Variants in DLGAP2 observed in about 807,000 individuals in gnomAD.
The protein encoded by DLGAP2 is disks large-associated protein 2.
DLGAP2 carries 26 observed loss-of-function variants against 100.3 expected under a neutral mutation model. The observed-to-expected ratio is 0.26, with a 90% confidence interval of 0.19 to 0.36. The LOEUF (loss-of-function observed/expected upper bound fraction) is 0.36. Ranked by LOEUF, DLGAP2 falls within the 10% of genes least tolerant of loss-of-function variation. DLGAP2 has a pLI of 1.00. For missense variants in DLGAP2, 1,858 were observed against 1,453.2 expected, an observed-to-expected ratio of 1.28 and a Z score of -4.53; for synonymous variants, 886 against 630.1, an observed-to-expected ratio of 1.41 and a Z score of -6.08.
chr8:1,048,445 C>T (rs368567355), intron 2 of DLGAP2, among the ~76,000 whole-genome samples: 4 of 151,968 alleles, frequency 2.6e-5, no homozygotes, highest in East Asian at 1.9e-4. Flanking sequence ...TCACAGGTAG[C>T]GACGGCATCG....
intron 2 of DLGAP2, among the ~76,000 whole-genome samples, chr8:916,347 A>T (rs1162261943): frequency 1.3e-5 from 2 of 152,262 alleles, no homozygotes; most frequent in Non-Finnish European, 2.9e-5. Flanking sequence ...CTATGCAGCC[A>T]TAAAAAATGA....
chr8:1,047,766 C>G (rs1802556120), intron 2 of DLGAP2, among the ~76,000 whole-genome samples: 1 of 152,078 alleles, frequency 6.6e-6, no homozygotes, highest in South Asian at 2.1e-4. Context: ...CCTTCATGCC[C>G]TAATCACCTT....
intron 6 of DLGAP2, among the ~76,000 whole-genome samples, chr8:1,584,645 C>A (rs1173285320): frequency 6.6e-6 from 1 of 152,280 alleles, no homozygotes; most frequent in East Asian, 1.9e-4. Flanking sequence ...GATGTCTCTC[C>A]TCAGAAGCTC....
At chr8:1,338,822 T>G (rs1801349451) in intron 3 of DLGAP2, among the ~76,000 whole-genome samples, 1 of 86,168 alleles carries the variant, frequency 1.2e-5, no homozygotes, top group African/African-American at 6.1e-5. Context: ...TGCAGTGACC[T>G]AAGGGAAGTG....
intron 3 of DLGAP2, chr8:1,368,881 A>G (rs1009227621): frequency 7.2e-5 from 11 of 152,194 alleles, no homozygotes; most frequent in African/African-American, 2.7e-4. Context: ...GGTCAAATTG[A>G]CTGCGATGGC....
At chr8:1,568,452 C>T (rs1267314941) in intron 6 of DLGAP2, among the ~76,000 whole-genome samples, 5 of 149,058 alleles carry the variant, frequency 3.4e-5, no homozygotes, top group Non-Finnish European at 7.4e-5. Flanking sequence ...CCCGTGGCCC[C>T]CGTGCCACTG....
At chr8:1,695,607 G>A (rs1799377486) in intron 13 of DLGAP2, among the ~76,000 whole-genome samples, 1 of 151,620 alleles carries the variant, frequency 6.6e-6, no homozygotes, top group Non-Finnish European at 1.5e-5. Flanking sequence ...CGGCCCTACA[G>A]AAAGAGGGGG....
At chr8:1,638,062 G>C (rs944058891) in intron 8 of DLGAP2, among the ~76,000 whole-genome samples, 11 of 152,326 alleles carry the variant, frequency 7.2e-5, no homozygotes, top group African/African-American at 2.6e-4. Context: ...CTGGAAGGCA[G>C]GACGGATGGG....
intron 4 of DLGAP2, among the ~76,000 whole-genome samples, chr8:1,525,766 C>T (rs918641482): frequency 6.6e-6 from 1 of 152,170 alleles, no homozygotes; most frequent in Admixed American, 6.5e-5. Flanking sequence ...AGTGATGGAG[C>T]CTAGGTGTAT....
At chr8:815,481 A>G (rs1175493626) in intron 1 of DLGAP2, among the ~76,000 whole-genome samples, 1 of 152,220 alleles carries the variant, frequency 6.6e-6, no homozygotes, top group African/African-American at 2.4e-5. Context: ...CCCCAAATTG[A>G]GGGAAAATCC....
intron 1 of DLGAP2, among the ~76,000 whole-genome samples, chr8:801,277 A>C (rs1435978716): frequency 6.6e-6 from 1 of 152,232 alleles, no homozygotes; most frequent in African/African-American, 2.4e-5. Flanking sequence ...TTAAGGAAAT[A>C]AGAAAAGCAT....
At chr8:1,303,552 G>C (rs949215394) in intron 3 of DLGAP2, among the ~76,000 whole-genome samples, 4 of 152,088 alleles carry the variant, frequency 2.6e-5, no homozygotes, top group Non-Finnish European at 5.9e-5. Context: ...TTATCCATTA[G>C]GTTTAATGCG....
chr8:1,435,418 G>C (rs1296150074), intron 3 of DLGAP2, among the ~76,000 whole-genome samples: 1 of 152,134 alleles, frequency 6.6e-6, no homozygotes, highest in African/African-American at 2.4e-5. Flanking sequence ...ATTATCATCA[G>C]CTGGAAGACT....
At chr8:1,645,332 C>G (rs990189168) in intron 8 of DLGAP2, among the ~76,000 whole-genome samples, 3 of 152,184 alleles carry the variant, frequency 2.0e-5, no homozygotes, top group African/African-American at 7.2e-5. Context: ...AGGAGATAGT[C>G]AACACATTAT....
chr8:1,528,708 C>T (rs954167452), intron 4 of DLGAP2, among the ~76,000 whole-genome samples: 1 of 152,182 alleles, frequency 6.6e-6, no homozygotes, highest in African/African-American at 2.4e-5. Context: ...GATGACCGAG[C>T]TGAAACAGGC....
At chr8:1,319,177 T>C (rs1204690722) in intron 3 of DLGAP2, among the ~76,000 whole-genome samples, 4 of 152,114 alleles carry the variant, frequency 2.6e-5, no homozygotes, top group Non-Finnish European at 5.9e-5. Flanking sequence ...GGGGCCCCCA[T>C]GGCTCCCCTC....
intron 2 of DLGAP2, chr8:1,250,548 G>A (rs73531974): frequency 0.083 from 12,678 of 152,188 alleles, 1,717 homozygotes; most frequent in African/African-American, 0.28. Flanking sequence ...GAACTTGGTT[G>A]CGCTCACATG....
intron 2 of DLGAP2, among the ~76,000 whole-genome samples, chr8:1,098,542 C>T (rs904900046): frequency 4.6e-5 from 7 of 151,714 alleles, no homozygotes; most frequent in East Asian, 1.9e-4. Context: ...ACAGGCACAG[C>T]GGGCTGGCCC....
At chr8:1,054,260 GCACA>G (rs957787074) in intron 2 of DLGAP2, among the ~76,000 whole-genome samples, 1 of 151,524 alleles carries the variant, frequency 6.6e-6, no homozygotes, top group African/African-American at 2.4e-5. Flanking sequence ...GTACACACAC[GCACA>G]CACACGGACA....
Sources: allele counts gnomAD v4.1 joint callset (sites outside exome capture counted in the v4.1 genomes callset), GRCh38; gene constraint gnomAD v4.1.1; transcripts MANE v1.5; gene names NCBI Gene and HGNC (gene_info 2026-07-23, HGNC 2026-07-21).